The following ZNF704 variants were observed in gnomAD, a reference collection of about 807,000 sequenced individuals.
ZNF704 encodes zinc finger protein 704.
In ZNF704, 10 loss-of-function variants were observed where a neutral mutation model predicts 44.7. The observed-to-expected ratio is 0.22, with a 90% confidence interval of 0.14 to 0.38. The LOEUF (loss-of-function observed/expected upper bound fraction) is 0.38. Ranked by LOEUF, ZNF704 falls within the 10% of genes least tolerant of loss-of-function variation. The pLI is 1.00. For synonymous variants in ZNF704, 211 were observed against 207.6 expected (o/e 1.02, Z -0.14); for missense variants, 390 against 545.5 (o/e 0.71, Z 2.84).
intron 2 of ZNF704, among the ~76,000 whole-genome samples, chr8:80,781,605 G>C (rs1168309756): frequency 6.6e-6 from 1 of 152,172 alleles, no homozygotes; most frequent in Non-Finnish European, 1.5e-5. Flanking sequence ...TTAGGGCTGA[G>C]AATTTTCAAG....
At chr8:80,877,427 C>T (rs1318996794), upstream of ZNF704, among the ~76,000 whole-genome samples, 2 of 152,128 alleles carry the variant, frequency 1.3e-5, no homozygotes, top group African/African-American at 4.8e-5. Flanking sequence ...AAGAAAAGAT[C>T]TCATGATGTG....
chr8:80,847,848 C>T (rs1808792245), intron 1 of ZNF704, among the ~76,000 whole-genome samples: 1 of 152,178 alleles, frequency 6.6e-6, no homozygotes, highest in Admixed American at 6.5e-5. Flanking sequence ...AATGGTACAG[C>T]CACTATGGAA....
intron 2 of ZNF704, among the ~76,000 whole-genome samples, chr8:80,808,403 ATCTC>A (rs1808026107): frequency 6.6e-6 from 1 of 152,226 alleles, no homozygotes. Context: ...CACAAAGTGC[ATCTC>A]TTTTTAGGTT....
At chr8:80,660,563 A>G (rs542373826) in intron 6 of ZNF704, among the ~76,000 whole-genome samples, 1 of 152,302 alleles carries the variant, frequency 6.6e-6, no homozygotes, top group South Asian at 2.1e-4. Flanking sequence ...GTAATTCAAA[A>G]TGTTGTTAAA....
chr8:80,655,621 A>G (rs530253398), intron 7 of ZNF704, among the ~76,000 whole-genome samples: 3 of 152,190 alleles, frequency 2.0e-5, no homozygotes, highest in Non-Finnish European at 4.4e-5. Context: ...AGAGGATATT[A>G]CTTTAGAAGG....
intron 2 of ZNF704, among the ~76,000 whole-genome samples, chr8:80,801,652 A>G (rs1340518380): frequency 1.3e-5 from 2 of 152,222 alleles, no homozygotes; most frequent in African/African-American, 4.8e-5. Context: ...AATCTCTGGG[A>G]CGTAGCTAAA....
At chr8:80,782,440 C>T (rs1030799883) in intron 2 of ZNF704, among the ~76,000 whole-genome samples, 2 of 152,130 alleles carry the variant, frequency 1.3e-5, no homozygotes, top group African/African-American at 4.8e-5. Flanking sequence ...AGAGTCTCAA[C>T]AAGAGCTAGG....
chr8:80,705,163 AC>A (rs1818875852), intron 2 of ZNF704, among the ~76,000 whole-genome samples: 1 of 152,134 alleles, frequency 6.6e-6, no homozygotes, highest in Admixed American at 6.6e-5. Context: ...CTGAGCGTTT[AC>A]CCCTGAATTC....
intron 2 of ZNF704, among the ~76,000 whole-genome samples, chr8:80,736,995 T>C (rs1806678515): frequency 6.6e-6 from 1 of 151,968 alleles, no homozygotes; most frequent in Admixed American, 6.5e-5. Context: ...TAAGAATTAC[T>C]CTTCCAAGTA....
chr8:80,793,794 T>A (rs1335575713), intron 2 of ZNF704, among the ~76,000 whole-genome samples: 3 of 152,204 alleles, frequency 2.0e-5, no homozygotes, highest in Admixed American at 2.0e-4. Context: ...TCATTAATTT[T>A]ATTGACCACT....
intron 4 of ZNF704, among the ~76,000 whole-genome samples, chr8:80,671,609 C>T (rs1818282543): frequency 6.6e-6 from 1 of 152,164 alleles, no homozygotes; most frequent in African/African-American, 2.4e-5. Context: ...GAGTTTTCTC[C>T]AGGGAGGTCC....
At chr8:80,749,422 T>C (rs1035119420) in intron 2 of ZNF704, 2 of 152,400 alleles carry the variant, frequency 1.3e-5, no homozygotes, top group African/African-American at 4.8e-5. Context: ...TAAGATAGCA[T>C]GCAGTCGCAT....
chr8:80,784,991 T>G (rs1563552601), intron 2 of ZNF704, among the ~76,000 whole-genome samples: 1 of 152,212 alleles, frequency 6.6e-6, no homozygotes, highest in Non-Finnish European at 1.5e-5. Flanking sequence ...TCACAACTAA[T>G]GAAACAATAT....
In ZNF704 at chr8:80,631,384, A is replaced by T. The variant is rs929338747; in HGVS notation, c.*9982T>A. ...GTGCTTAACAACATGAGTGGACTGA[A>T]GTCCTTTTCTCTTTCCATAAATACG... On this transcript the variant is annotated 3_prime_UTR_variant, in exon 9 of 9. Coordinates refer to ENST00000327835, the MANE Select transcript of ZNF704 (RefSeq NM_001033723.3). 6.6e-6 allele frequency: 1 copy of T among 152,184 alleles called. No individual in the cohort carries two copies. The highest frequency in any genetic ancestry group is 2.4e-5 in the African/African-American group (1 of 41,444). The allele number at this position is 152,184 out of a possible 1,614,324, so 9.4% of individuals were successfully genotyped here.
At chr8:80,720,592 C>T (rs1422111393) in intron 2 of ZNF704, among the ~76,000 whole-genome samples, 2 of 152,148 alleles carry the variant, frequency 1.3e-5, no homozygotes, top group South Asian at 2.1e-4. Context: ...TGCCCATGGC[C>T]CTTTTTTTGT....
At chr8:80,819,730 C>T (rs187571014) in intron 2 of ZNF704, among the ~76,000 whole-genome samples, 122 of 151,870 alleles carry the variant, frequency 8.0e-4, no homozygotes, top group South Asian at 2.1e-4. Context: ...TGTATTTATA[C>T]GAAAAACATT....
upstream of ZNF704, among the ~76,000 whole-genome samples, chr8:80,877,051 C>T (rs2130096194): frequency 6.6e-6 from 1 of 152,172 alleles, no homozygotes; most frequent in South Asian, 2.1e-4. Context: ...AAAGATGATA[C>T]ACTATTGTAC....
At position 80,670,577 on chromosome 8, in the gene ZNF704, G is replaced by A; in HGVS notation, c.585C>T (p.Cys195=). 6.2e-7 allele frequency: 1 copy of A among 1,613,834 alleles called. No individual in the cohort carries two copies. Among genetic ancestry groups the A allele is most frequent in the Non-Finnish European group, 8.5e-7 (1 of 1,179,726 alleles). ...GCACCTTCCCACAGTTTTTCCAGAGGCATTTGAACATCACCTTCATGGAAT... is the reference window on the plus strand; with the variant it reads ...GCACCTTCCCACAGTTTTTCCAGAGACATTTGAACATCACCTTCATGGAAT... ...RKNSMKVMFK[C]LWKNCGKVLS... is the part of the protein sequence containing the mutation. The change falls in exon 5 of 9, where the codon TGC becomes TGT. Residue 195 remains cysteine, a synonymous_variant. Coordinates refer to ENST00000327835, the MANE Select transcript of ZNF704 (RefSeq NM_001033723.3).
intron 2 of ZNF704, among the ~76,000 whole-genome samples, chr8:80,797,601 G>T (rs1446889998): frequency 6.6e-6 from 1 of 152,128 alleles, no homozygotes; most frequent in African/African-American, 2.4e-5. Context: ...GAGTGATGAG[G>T]CTAGAATGCA....
Sources: gnomAD v4.1 joint callset for allele counts (sites outside exome capture counted in the v4.1 genomes callset) on GRCh38, gnomAD v4.1.1 for gene constraint, MANE v1.5 for transcripts, NCBI Gene and HGNC (gene_info 2026-07-23, HGNC 2026-07-21) for gene names.